The following PCDHB5 variants were observed in gnomAD, a reference collection of about 807,000 sequenced individuals.
The protein encoded by PCDHB5 is protocadherin beta 5, also known as protocadherin beta-5.
For missense variants in PCDHB5, 1,125 were observed against 1,029.4 expected (o/e 1.09, Z -1.27); for synonymous variants, 569 against 462.2 (o/e 1.23, Z -2.96).
In PCDHB5 at chr5:141,137,609, G is replaced by A. The variant is rs782598226; in HGVS notation, c.2175G>A (p.Ser725=). 7 of 1,613,304 alleles carry A rather than the reference G, an allele frequency of 4.3e-6. No individual in the cohort carries two copies. In the African/African-American group the frequency reaches 6.7e-5, roughly 15 times the overall value. The change falls in exon 1 of 1, where the codon TCG becomes TCA. Residue 725 remains serine (S), a synonymous_variant. Transcript: ENST00000231134. ...GGGCGGCCCCGGTCGGTCGCTGCTC[G>A]GTGCCCGAGGGCCCCTTTCCAGGGC... The part of the protein sequence containing the change: ...RSRAAPVGRC[S]VPEGPFPGHL...
chr5:141,137,904 A>G lies in PCDHB5; in HGVS notation c.*82A>G. 7.7e-7 allele frequency: 1 copy of G among 1,291,384 alleles called. No individual in the cohort carries two copies. Among genetic ancestry groups the G allele is most frequent in the Non-Finnish European group, 1.1e-6 (1 of 931,064 alleles). 80.0% of individuals were successfully genotyped at this position (1,291,384 alleles called of 1,614,324 possible). A position where few individuals can be genotyped will look rare whatever the true frequency, so the allele number is the denominator to read the frequency against. On this transcript the variant is annotated 3_prime_UTR_variant, in exon 1 of 1. Coordinates refer to ENST00000231134, the MANE Select transcript of PCDHB5 (RefSeq NM_015669.5). Reference sequence around the variant, plus strand: ...GAATTCGAGAGTGTCATGGACAAAAATTTCACCTTGAGATTGAGCTTTTAT... The same window carrying G: ...GAATTCGAGAGTGTCATGGACAAAAGTTTCACCTTGAGATTGAGCTTTTAT...
chr5:141,136,994 C>G lies in PCDHB5; in HGVS notation c.1560C>G (p.Tyr520Ter), dbSNP rs1353231134. The change falls in exon 1 of 1, where the codon TAC (tyrosine) becomes TAG (stop). Residue 520 changes from tyrosine to a stop codon, truncating the protein, a stop_gained. Coordinates refer to ENST00000231134, the MANE Select transcript of PCDHB5 (RefSeq NM_015669.5). LOFTEE classifies it low-confidence loss of function (END_TRUNC). The part of the protein sequence containing the change: ...GHLFALRSLD[Y>*]EALQAFEFRV... ...TGTTTGCCCTCAGGTCGCTGGACTA[C>G]GAGGCCCTGCAGGCGTTCGAGTTCC... 4 of 1,612,234 alleles carry G rather than the reference C, an allele frequency of 2.5e-6. No homozygotes were observed. The highest frequency in any genetic ancestry group is 3.4e-6 in the Non-Finnish European group (4 of 1,179,904).
In PCDHB5 at chr5:141,135,433, C is replaced by A. The variant is rs1396118212; in HGVS notation, c.-2C>A. ...CTGCGCCTTCTGGACCGGGTCTGAACAATGGAGACTGCGCTAGCAAAAACG... is the reference window on the plus strand; with the variant it reads ...CTGCGCCTTCTGGACCGGGTCTGAAAAATGGAGACTGCGCTAGCAAAAACG... On this transcript the variant is annotated 5_prime_UTR_variant, in exon 1 of 1. Coordinates refer to ENST00000231134, the MANE Select transcript of PCDHB5 (RefSeq NM_015669.5). The A allele has an allele frequency of 4.4e-6, 7 of 1,599,358 alleles. No homozygotes were observed. The highest frequency in any genetic ancestry group is 1.1e-5 in the South Asian group (1 of 88,034).
Position 141,137,367 on chromosome 5 carries a change from G to C in PCDHB5, c.1933G>C (p.Asp645His). The change falls in exon 1 of 1, where the codon GAC (aspartate) becomes CAC (histidine). Residue 645 changes from aspartate (D) to histidine (H), a missense_variant. Coordinates refer to ENST00000231134, the MANE Select transcript of PCDHB5 (RefSeq NM_015669.5). ...GCACAGGCTGGTGGTGCTGGTCAAGGACAATGGCGAGCCTCCGCGCTCGGC... is the reference window on the plus strand; with the variant it reads ...GCACAGGCTGGTGGTGCTGGTCAAGCACAATGGCGAGCCTCCGCGCTCGGC... ...AKHRLVVLVKDNGEPPRSATA... is the reference protein window; with the variant it reads ...AKHRLVVLVKHNGEPPRSATA... 6.2e-7 allele frequency: 1 copy of C among 1,609,412 alleles called. No individual in the cohort carries two copies. Among genetic ancestry groups the C allele is most frequent in the Non-Finnish European group, 8.5e-7 (1 of 1,179,266 alleles).
chr5:141,135,413 C>G lies in PCDHB5; in HGVS notation c.-22C>G, dbSNP rs1554275671. 2 of 1,528,274 alleles carry G rather than the reference C, an allele frequency of 1.3e-6. No homozygotes were observed. Among genetic ancestry groups the G allele is most frequent in the Admixed American group, 3.9e-5 (2 of 51,738 alleles). 94.7% of individuals were successfully genotyped at this position (1,528,274 alleles called of 1,614,324 possible). The stretch of plus-strand genomic sequence containing the variant: ...GGATTGTGTACGGAGTTAAACTGCG[C>G]CTTCTGGACCGGGTCTGAACAATGG... On this transcript the variant is annotated 5_prime_UTR_variant, in exon 1 of 1. Transcript: ENST00000231134.
rs140842033 is a variant in PCDHB5 at position 141,136,134 on chromosome 5, G to C, written c.700G>C (p.Asp234His). ...CACCACAATTCGCATTGTCGTCTTG[G>C]ATAATAATGACAACGCCCCCGAATT... ...GTTTIRIVVL[D>H]NNDNAPEFLQ... Residue 234 changes from aspartate (D) to histidine (H), a missense_variant, in exon 1 of 1, where the codon GAT becomes CAT. Coordinates refer to ENST00000231134, the MANE Select transcript of PCDHB5 (RefSeq NM_015669.5). 6 of 1,614,044 alleles carry C rather than the reference G, an allele frequency of 3.7e-6. No homozygotes were observed. Among genetic ancestry groups the C allele is most frequent in the Non-Finnish European group, 4.2e-6 (5 of 1,179,994 alleles).
At position 141,137,054 on chromosome 5, in the gene PCDHB5, G is replaced by A. The variant is rs1752601695; in HGVS notation, c.1620G>A (p.Leu540=). ...CCACAGACCGCGGCTCCCCGGCGCT[G>A]AGCAGCGAGGCGCTGGTGCGCGTGC... ...VGATDRGSPA[L]SSEALVRVLV... The change falls in exon 1 of 1, where the codon CTG becomes CTA. Residue 540 remains leucine, a synonymous_variant. Coordinates refer to ENST00000231134, the MANE Select transcript of PCDHB5 (RefSeq NM_015669.5). 6.2e-7 allele frequency: 1 copy of A among 1,611,766 alleles called. No individual in the cohort carries two copies. The highest frequency in any genetic ancestry group is 8.5e-7 in the Non-Finnish European group (1 of 1,179,702).
chr5:141,137,766 G>C lies in PCDHB5; in HGVS notation c.2332G>C (p.Ala778Pro). ...TATTCCTAACCTTTTGCCCCAGGGC[G>C]CTGGTGAAGAAATAGGGAAAACTGC... is the stretch of plus-strand genomic sequence containing the variant. ...PIIPNLLPQG[A>P]GEEIGKTAAF... Residue 778 changes from alanine (A) to proline (P), a missense_variant, in exon 1 of 1, where the codon GCT becomes CCT. Ala to Pro is a conservative substitution (Grantham distance 27, BLOSUM62 -1). Coordinates refer to ENST00000231134, the MANE Select transcript of PCDHB5 (RefSeq NM_015669.5). 6.2e-7 allele frequency: 1 copy of C among 1,613,906 alleles called. No individual in the cohort carries two copies. The highest frequency in any genetic ancestry group is 2.2e-5 in the East Asian group (1 of 44,860).
rs781790158 is a variant in PCDHB5 at position 141,135,324 on chromosome 5, T to A, written c.-111T>A. 127 of 778,946 alleles carry A rather than the reference T, an allele frequency of 1.6e-4. No homozygotes were observed. The highest frequency in any genetic ancestry group is 2.3e-4 in the Non-Finnish European group (109 of 482,320). The allele number at this position is 778,946 out of a possible 1,614,324, so 48.3% of individuals were successfully genotyped here. A position where few individuals can be genotyped will look rare whatever the true frequency, so the allele number is the denominator to read the frequency against. ...AGTGGCTAGATCTTCAGGGTGGGCT[T>A]CGTTCTTGTGGAAATCAGTCAAGAA... On this transcript the variant is annotated 5_prime_UTR_variant, in exon 1 of 1. Transcript: ENST00000231134.
At position 141,137,345 on chromosome 5, in the gene PCDHB5, C is replaced by G. The variant is rs138297526; in HGVS notation, c.1911C>G (p.His637Gln). ...TGAGCGAGCGCGACGCGGCCAAGCA[C>G]AGGCTGGTGGTGCTGGTCAAGGACA... ...RLLSERDAAK[H>Q]RLVVLVKDNG... is the part of the protein sequence containing the mutation. The change falls in exon 1 of 1, where the codon CAC (histidine) becomes CAG (glutamine). Residue 637 changes from histidine (H) to glutamine (Q), a missense_variant. Coordinates refer to ENST00000231134, the MANE Select transcript of PCDHB5 (RefSeq NM_015669.5). 416 of 1,609,898 alleles carry G rather than the reference C, an allele frequency of 2.6e-4. 1 individual carries two copies. The highest frequency in any genetic ancestry group is 2.3e-3 in the African/African-American group (174 of 74,982).
In PCDHB5 at chr5:141,136,779, G is replaced by A. The variant is rs782150535; in HGVS notation, c.1345G>A (p.Ala449Thr). 2 of 1,613,880 alleles carry A rather than the reference G, an allele frequency of 1.2e-6. No individual in the cohort carries two copies. The highest frequency in any genetic ancestry group is 1.7e-5 in the Admixed American group (1 of 60,014). The change falls in exon 1 of 1, where the codon GCC becomes ACC. Residue 449 changes from alanine (A) to threonine (T), a missense_variant. Transcript: ENST00000231134. ...LVSDVNDNAP[A>T]FTQTSYTLFV... ...CTCCGACGTCAATGACAACGCCCCC[G>A]CCTTCACCCAAACCTCCTACACCCT...
In PCDHB5 at chr5:141,136,754, C is replaced by A. The variant is rs61741623; in HGVS notation, c.1320C>A (p.Val440=). The A allele has an allele frequency of 6.8e-6, 11 of 1,614,020 alleles. No homozygotes were observed. In the Admixed American group the frequency reaches 1.8e-4, roughly 27 times the overall value. The change falls in exon 1 of 1, where the codon GTC becomes GTA. Residue 440 remains valine (V), a synonymous_variant. Transcript: ENST00000231134. ...LKTEHNITVL[V]SDVNDNAPAF... ...CCGAGCACAACATAACGGTCCTGGT[C>A]TCCGACGTCAATGACAACGCCCCCG... is the stretch of plus-strand genomic sequence containing the variant.
chr5:141,136,778 C>T lies in PCDHB5; in HGVS notation c.1344C>T (p.Pro448=), dbSNP rs1554275989. The T allele has an allele frequency of 1.2e-6, 2 of 1,613,916 alleles. No homozygotes were observed. Among genetic ancestry groups the T allele is most frequent in the African/African-American group, 2.7e-5 (2 of 74,918 alleles). ...VLVSDVNDNA[P]AFTQTSYTLF... is the part of the protein sequence containing the mutation. ...TCTCCGACGTCAATGACAACGCCCC[C>T]GCCTTCACCCAAACCTCCTACACCC... The change falls in exon 1 of 1, where the codon CCC becomes CCT. Residue 448 remains proline, a synonymous_variant. Coordinates refer to ENST00000231134, the MANE Select transcript of PCDHB5 (RefSeq NM_015669.5).
Position 141,137,324 on chromosome 5 carries a change from C to G in PCDHB5, c.1890C>G (p.Ser630Arg), listed in dbSNP as rs781822505. The G allele has an allele frequency of 1.2e-5, 19 of 1,609,712 alleles. No individual in the cohort carries two copies. Among genetic ancestry groups the G allele is most frequent in the East Asian group, 1.1e-4 (5 of 44,864 alleles). The change falls in exon 1 of 1, where the codon AGC becomes AGG. Residue 630 changes from serine (S) to arginine (R), a missense_variant. Physicochemically the swap from Ser to Arg is moderately radical, Grantham distance 110. Transcript: ENST00000231134. Reference sequence around the variant, plus strand: ...AGGTGCGCACCGCCAGGCTGCTGAGCGAGCGCGACGCGGCCAAGCACAGGC... The same window carrying G: ...AGGTGCGCACCGCCAGGCTGCTGAGGGAGCGCGACGCGGCCAAGCACAGGC... ...NGEVRTARLLSERDAAKHRLV... is the reference protein window; with the variant it reads ...NGEVRTARLLRERDAAKHRLV...
chr5:141,137,220 G>C lies in PCDHB5; in HGVS notation c.1786G>C (p.Gly596Arg). 6.2e-7 allele frequency: 1 copy of C among 1,610,952 alleles called. No individual in the cohort carries two copies. The highest frequency in any genetic ancestry group is 1.3e-5 in the African/African-American group (1 of 74,988). The change falls in exon 1 of 1, where the codon GGC becomes CGC. Residue 596 changes from glycine to arginine, a missense_variant. Transcript: ENST00000231134. ...GGTGGTGGCGGTGGACGGTGACTCG[G>C]GCCAGAACGCCTGGCTGTCGTACCA... ...TKVVAVDGDS[G>R]QNAWLSYQLL... is the part of the protein sequence containing the mutation.
rs1752595367 is a variant in PCDHB5 at position 141,136,901 on chromosome 5, G to A, written c.1467G>A (p.Leu489=). 1.2e-6 allele frequency: 2 copies of A among 1,612,526 alleles called. No individual in the cohort carries two copies. Among genetic ancestry groups the A allele is most frequent in the African/African-American group, 1.3e-5 (1 of 74,876 alleles). The part of the protein sequence containing the change: ...SGTNAQVTYS[L]LPPQNPHLRL... ...CCAACGCCCAGGTCACCTACTCGCT[G>A]CTGCCGCCCCAGAACCCACACCTGC... Residue 489 remains leucine, a synonymous_variant, in exon 1 of 1, where the codon CTG becomes CTA. Transcript: ENST00000231134.
At position 141,137,289 on chromosome 5, in the gene PCDHB5, C is replaced by G; in HGVS notation, c.1855C>G (p.His619Asp). 6.2e-7 allele frequency: 1 copy of G among 1,610,594 alleles called. No homozygotes were observed. The highest frequency in any genetic ancestry group is 8.5e-7 in the Non-Finnish European group (1 of 1,179,658). Residue 619 changes from histidine (H) to aspartate (D), a missense_variant, in exon 1 of 1, where the codon CAC (histidine) becomes GAC (aspartate). Coordinates refer to ENST00000231134, the MANE Select transcript of PCDHB5 (RefSeq NM_015669.5). ...GCCCGGGCTGTTCAGCATGTGGGCG[C>G]ACAATGGCGAGGTGCGCACCGCCAG... The part of the protein sequence containing the change: ...TEPGLFSMWA[H>D]NGEVRTARLL...
Position 141,137,352 on chromosome 5 carries a change from G to C in PCDHB5, c.1918G>C (p.Val640Leu), listed in dbSNP as rs782174072. ...SERDAAKHRLVVLVKDNGEPP... is the reference protein window; with the variant it reads ...SERDAAKHRLLVLVKDNGEPP... The stretch of plus-strand genomic sequence containing the variant: ...GCGCGACGCGGCCAAGCACAGGCTG[G>C]TGGTGCTGGTCAAGGACAATGGCGA... Residue 640 changes from valine (V) to leucine (L), a missense_variant, in exon 1 of 1, where the codon GTG (valine) becomes CTG (leucine). Coordinates refer to ENST00000231134, the MANE Select transcript of PCDHB5 (RefSeq NM_015669.5). 2 of 1,609,872 alleles carry C rather than the reference G, an allele frequency of 1.2e-6. No homozygotes were observed. Among genetic ancestry groups the C allele is most frequent in the East Asian group, 4.5e-5 (2 of 44,846 alleles).
rs782181631 is a variant in PCDHB5 at position 141,137,261 on chromosome 5, G to A, written c.1827G>A (p.Thr609=). The part of the protein sequence containing the change: ...AWLSYQLLKA[T]EPGLFSMWAH... ...TGTCGTACCAGCTGCTCAAGGCCAC[G>A]GAGCCCGGGCTGTTCAGCATGTGGG... Residue 609 remains threonine (T), a synonymous_variant, in exon 1 of 1, where the codon ACG becomes ACA. Coordinates refer to ENST00000231134, the MANE Select transcript of PCDHB5 (RefSeq NM_015669.5). 1 of 1,610,792 alleles carries A rather than the reference G, an allele frequency of 6.2e-7. No homozygotes were observed. The highest frequency in any genetic ancestry group is 8.5e-7 in the Non-Finnish European group (1 of 1,179,694).
Sources: allele counts gnomAD v4.1 joint callset, GRCh38; gene constraint gnomAD v4.1.1; transcripts MANE v1.5; gene names NCBI Gene and HGNC (gene_info 2026-07-23, HGNC 2026-07-21).